CTNNA3: variants seen among roughly 807,000 people sequenced by gnomAD.
CTNNA3 encodes the protein catenin alpha-3.
A neutral mutation model predicts 95.7 loss-of-function variants in CTNNA3; 76 were observed. That is an observed-to-expected ratio of 0.79 (90% CI 0.66 to 0.96). The LOEUF (loss-of-function observed/expected upper bound fraction) is 0.96, where lower values mean the gene tolerates loss of function less well. Ranked by LOEUF, CTNNA3 falls within the 40% of genes least tolerant of loss-of-function variation. The pLI, the probability that CTNNA3 is intolerant of heterozygous loss-of-function variation, is 0.00. For synonymous variants in CTNNA3, 431 were observed against 374.4 expected, an observed-to-expected ratio of 1.15 and a Z score of -1.74; for missense variants, 1,191 against 1,089.8, an observed-to-expected ratio of 1.09 and a Z score of -1.31.
intron 13 of CTNNA3, among the ~76,000 whole-genome samples, chr10:66,264,942 G>A (rs1398339791): frequency 1.3e-5 from 2 of 151,918 alleles, no homozygotes; most frequent in Non-Finnish European, 2.9e-5. Context: ...GCTTTCTCCA[G>A]GAAATACCTG....
chr10:66,203,483 T>C (rs913038795), intron 13 of CTNNA3, among the ~76,000 whole-genome samples: 10 of 152,024 alleles, frequency 6.6e-5, no homozygotes, highest in Admixed American at 2.6e-4. Context: ...CTCACTCCCA[T>C]GTAAACAGAG....
intron 1 of CTNNA3, among the ~76,000 whole-genome samples, chr10:67,678,279 G>A (rs1288086583): frequency 3.9e-5 from 6 of 152,240 alleles, no homozygotes; most frequent in Admixed American, 3.9e-4. Flanking sequence ...GGAAAGAAGT[G>A]ATGGAAAGGC....
chr10:67,623,377 T>G (rs939526189), intron 2 of CTNNA3, among the ~76,000 whole-genome samples: 4 of 152,170 alleles, frequency 2.6e-5, no homozygotes, highest in African/African-American at 9.7e-5. Context: ...TAGGCATCTC[T>G]TTGCATAAAT....
At chr10:67,633,367 C>T (rs745784583) in intron 2 of CTNNA3, among the ~76,000 whole-genome samples, 1 of 152,212 alleles carries the variant, frequency 6.6e-6, no homozygotes, top group Non-Finnish European at 1.5e-5. Context: ...CCCGCCCCAA[C>T]GCAGCATATC....
intron 1 of CTNNA3, among the ~76,000 whole-genome samples, chr10:67,758,078 AT>A (rs1841443232): frequency 6.6e-6 from 1 of 151,796 alleles, no homozygotes; most frequent in African/African-American, 2.4e-5. Context: ...GGAAGGGCAA[AT>A]TTTTTCTCTC....
intron 15 of CTNNA3, among the ~76,000 whole-genome samples, chr10:66,064,250 C>G (rs999887619): frequency 1.3e-5 from 2 of 152,120 alleles, no homozygotes; most frequent in Admixed American, 6.6e-5. Context: ...ATGGGGGAAA[C>G]TGACGCCATG....
At chr10:67,338,681 A>T (rs1842076528) in intron 5 of CTNNA3, among the ~76,000 whole-genome samples, 1 of 152,204 alleles carries the variant, frequency 6.6e-6, no homozygotes. Context: ...TTCTTCCAGT[A>T]AATGTCTCAT....
chr10:67,711,144 A>G (rs1273766309), intron 1 of CTNNA3, among the ~76,000 whole-genome samples: 1 of 152,098 alleles, frequency 6.6e-6, no homozygotes, highest in Non-Finnish European at 1.5e-5. Context: ...AGTCCAATAA[A>G]CCTCTTTCTT....
At chr10:67,709,659 C>T (rs1362090203) in intron 1 of CTNNA3, among the ~76,000 whole-genome samples, 3 of 151,800 alleles carry the variant, frequency 2.0e-5, no homozygotes, top group East Asian at 1.9e-4. Context: ...TCCTCATCCA[C>T]CACCATTCCC....
At chr10:67,643,252 A>G (rs1338003009) in intron 2 of CTNNA3, among the ~76,000 whole-genome samples, 1 of 152,094 alleles carries the variant, frequency 6.6e-6, no homozygotes, top group South Asian at 2.1e-4. Context: ...GTTCTCACTT[A>G]TAAGTGGGAG....
At chr10:65,999,076 G>A (rs1001377356) in intron 15 of CTNNA3, among the ~76,000 whole-genome samples, 1 of 152,040 alleles carries the variant, frequency 6.6e-6, no homozygotes, top group African/African-American at 2.4e-5. Flanking sequence ...GACAAAGATT[G>A]CTTTGTAATA....
chr10:66,067,319 A>T (rs765703136), intron 15 of CTNNA3, among the ~76,000 whole-genome samples: 8 of 152,222 alleles, frequency 5.3e-5, no homozygotes, highest in African/African-American at 1.4e-4. Flanking sequence ...CCCCATATCC[A>T]GAAGGTAGAA....
At position 66,719,686 on chromosome 10, in the gene CTNNA3, G is replaced by A. The variant is rs138343630; in HGVS notation, c.1281+46578C>T. On this transcript the variant is annotated intron_variant, in intron 9 of 17. Coordinates refer to ENST00000433211, the MANE Select transcript of CTNNA3 (RefSeq NM_013266.4). The stretch of plus-strand genomic sequence containing the variant: ...TGCCTACAGTGGCCTTATATGGTTT[G>A]TGGGCAAGAGACCATTGTGAGGAAG... Among the ~76,000 whole-genome samples the A allele has an allele frequency of 9.7e-4, 147 of 152,244 alleles. No individual in the cohort carries two copies. The South Asian group carries it at 0.011, about 12-fold the overall frequency.
chr10:65,954,310 C>A (rs1438168996), intron 17 of CTNNA3, among the ~76,000 whole-genome samples: 1 of 152,156 alleles, frequency 6.6e-6, no homozygotes, highest in East Asian at 1.9e-4. Flanking sequence ...GGGTAGATTG[C>A]AAAAATTTTC....
intron 12 of CTNNA3, among the ~76,000 whole-genome samples, chr10:66,364,140 A>T (rs1445354367): frequency 1.3e-5 from 2 of 151,338 alleles, no homozygotes; most frequent in African/African-American, 4.8e-5. Flanking sequence ...CTTTCTTTTG[A>T]CAAACCTGAC....
At chr10:67,178,375 A>G in intron 7 of CTNNA3, among the ~76,000 whole-genome samples, 1 of 152,190 alleles carries the variant, frequency 6.6e-6, no homozygotes. Context: ...ACCTCTTTAT[A>G]TAGTCACTTT....
intron 5 of CTNNA3, among the ~76,000 whole-genome samples, chr10:67,375,946 G>A (rs888162073): frequency 2.0e-5 from 3 of 152,120 alleles, no homozygotes; most frequent in Non-Finnish European, 4.4e-5. Flanking sequence ...CTTATGAATA[G>A]GATCAGTGCT....
At chr10:67,455,235 G>C (rs1376756823) in intron 5 of CTNNA3, among the ~76,000 whole-genome samples, 3 of 151,984 alleles carry the variant, frequency 2.0e-5, no homozygotes, top group African/African-American at 7.2e-5. Context: ...CAATAAAATA[G>C]GGTAGTTTTT....
intron 7 of CTNNA3, among the ~76,000 whole-genome samples, chr10:66,999,168 G>T (rs188085114): frequency 6.6e-6 from 1 of 151,930 alleles, no homozygotes; most frequent in Non-Finnish European, 1.5e-5. Flanking sequence ...TTCAATTGAT[G>T]GTTTGCACTC....
Sources: allele counts gnomAD v4.1 joint callset (sites outside exome capture counted in the v4.1 genomes callset), GRCh38; gene constraint gnomAD v4.1.1; transcripts MANE v1.5; gene names NCBI Gene and HGNC (gene_info 2026-07-23, HGNC 2026-07-21).